HCLS1: variants seen among roughly 807,000 people sequenced by gnomAD.
The protein encoded by HCLS1 is hematopoietic lineage cell-specific protein.
In HCLS1, 44 loss-of-function variants were observed where a neutral mutation model predicts 68.6. That is an observed-to-expected ratio of 0.64 (90% confidence interval 0.50 to 0.82). HCLS1 has a LOEUF of 0.82. Among genes scored for constraint, HCLS1 ranks in the 40% least tolerant of loss-of-function variants. The probability of loss-of-function intolerance (pLI) is 0.00; values close to 1 mark genes in which losing one functional copy is unlikely to be tolerated. For synonymous variants in HCLS1, 217 were observed against 225.8 expected (o/e 0.96, Z 0.35); for missense variants, 602 against 612.1 (o/e 0.98, Z 0.17).
chr3:121,659,370 ACTTGCTAGCTGGCAATC>A (rs904600221), intron 1 of HCLS1, among the ~76,000 whole-genome samples: 1 of 152,144 alleles, frequency 6.6e-6, no homozygotes, highest in African/African-American at 2.4e-5. Context: ...CCCTGGCAGC[ACTTGCTAGCTGGCAATC>A]CTTCCCTCCT....
At position 121,631,869 on chromosome 3, in the gene HCLS1, T is replaced by A; in HGVS notation, c.1438A>T (p.Asn480Tyr). 6.2e-7 allele frequency: 1 copy of A among 1,614,076 alleles called. No individual in the cohort carries two copies. The highest frequency in any genetic ancestry group is 1.6e-4 in the Middle Eastern group (1 of 6,062). The change falls in exon 14 of 14, where the codon AAT becomes TAT. Residue 480 changes from asparagine to tyrosine, a missense_variant. Transcript: ENST00000314583. ...AGTCACTCCAGAAGCTTGACATAAT[T>A]TGCAGGGAAGAGTCCAAAGTGGCCA... The part of the protein sequence containing the change: ...CHGHFGLFPA[N>Y]YVKLLE
chr3:121,653,760 G>A (rs1359141638), intron 3 of HCLS1: 12 of 152,124 alleles, frequency 7.9e-5, no homozygotes, highest in Admixed American at 7.9e-4. Context: ...AAGAGGACAG[G>A]GCCACTGAGG....
In HCLS1 at chr3:121,633,152, G is replaced by T; in HGVS notation, c.923C>A (p.Thr308Asn). 1 of 1,610,046 alleles carries T rather than the reference G, an allele frequency of 6.2e-7. No individual in the cohort carries two copies. The highest frequency in any genetic ancestry group is 8.5e-7 in the Non-Finnish European group (1 of 1,177,870). Reference protein sequence around the residue: ...ISSEAWPPVGTPPSSESEPVR... With the variant: ...ISSEAWPPVGNPPSSESEPVR... ...AGGCTCAGACTCTGATGATGGAGGA[G>T]TCCCAACTGGAGGCCAGGCCTGTGG... is the stretch of plus-strand genomic sequence containing the variant. Residue 308 changes from threonine to asparagine, a missense_variant, in exon 11 of 14, where the codon ACT (threonine) becomes AAT (asparagine). By Grantham distance (65) the Thr-to-Asn change is moderately conservative. Transcript: ENST00000314583.
chr3:121,642,285 C>A (rs1452138427), intron 6 of HCLS1, among the ~76,000 whole-genome samples: 1 of 142,598 alleles, frequency 7.0e-6, no homozygotes, highest in Non-Finnish European at 1.5e-5. Flanking sequence ...CAGTGAAACC[C>A]CGTCTCTACT....
Position 121,634,284 on chromosome 3 carries a change from G to T in HCLS1, c.826C>A (p.Pro276Thr). The T allele has an allele frequency of 1.2e-6, 2 of 1,614,162 alleles. No individual in the cohort carries two copies. Among genetic ancestry groups the T allele is most frequent in the Non-Finnish European group, 1.7e-6 (2 of 1,180,040 alleles). The change falls in exon 10 of 14, where the codon CCT becomes ACT. Residue 276 changes from proline to threonine, a missense_variant. Coordinates refer to ENST00000314583, the MANE Select transcript of HCLS1 (RefSeq NM_005335.6). ...GCTATCACTGGCTGTGGAGCCTCAG[G>T]GCTCCTCTTTGTCACAGCCTTTCGC... is the stretch of plus-strand genomic sequence containing the variant. ...QERKAVTKRS[P>T]EAPQPVIAME...
chr3:121,646,629 A>G (rs1384114909), intron 4 of HCLS1, among the ~76,000 whole-genome samples: 7 of 115,734 alleles, frequency 6.0e-5, no homozygotes, highest in Non-Finnish European at 1.1e-4. Context: ...ATTATATATT[A>G]TAAGTATATA....
At position 121,631,820 on chromosome 3, in the gene HCLS1, C is replaced by T; in HGVS notation, c.*26G>A. On this transcript the variant is annotated 3_prime_UTR_variant, in exon 14 of 14. Transcript: ENST00000314583. ...GAGCCACTTTGGACATGGGAAATCA[C>T]AGTTGCAGTAGACAGTGAGCTCTAG... The T allele has an allele frequency of 6.2e-7, 1 of 1,613,364 alleles. No homozygotes were observed. Among genetic ancestry groups the T allele is most frequent in the Middle Eastern group, 1.7e-4 (1 of 6,050 alleles).
Position 121,642,953 on chromosome 3 carries a change from T to A in HCLS1, c.428A>T (p.Glu143Val), listed in dbSNP as rs2049215304. The change falls in exon 6 of 14, where the codon GAA (glutamate) becomes GTA (valine). Residue 143 changes from glutamate to valine, a missense_variant. By Grantham distance (121) the Glu-to-Val change is moderately radical (BLOSUM62 -2). Coordinates refer to ENST00000314583, the MANE Select transcript of HCLS1 (RefSeq NM_005335.6). ...TTTCTGAGATGTGTGCTTCTCCACT[T>A]CTCCTTTATAATCAAAGCCGACTGC... ...KSAVGFDYKG[E>V]VEKHTSQKDY... is the part of the protein sequence containing the mutation. The A allele has an allele frequency of 6.2e-7, 1 of 1,613,224 alleles. No individual in the cohort carries two copies. Among genetic ancestry groups the A allele is most frequent in the Non-Finnish European group, 8.5e-7 (1 of 1,179,406 alleles).
chr3:121,651,135 A>G (rs182443712), intron 3 of HCLS1, among the ~76,000 whole-genome samples: 8 of 152,302 alleles, frequency 5.3e-5, no homozygotes, highest in African/African-American at 1.9e-4. Flanking sequence ...CAATCAATAA[A>G]TAATCAATCA....
At position 121,635,779 on chromosome 3, in the gene HCLS1, T is replaced by G; in HGVS notation, c.647A>C (p.Glu216Ala). The G allele has an allele frequency of 6.2e-7, 1 of 1,614,104 alleles. No homozygotes were observed. The highest frequency in any genetic ancestry group is 2.2e-5 in the East Asian group (1 of 44,886). ...CTTCTTATAAGCTGTGGTCGGGGCCTCCATTTCATTGAAGCCGACAGCGCT... is the reference window on the plus strand; with the variant it reads ...CTTCTTATAAGCTGTGGTCGGGGCCGCCATTTCATTGAAGCCGACAGCGCT... ...DKSAVGFNEM[E>A]APTTAYKKTT... The change falls in exon 9 of 14, where the codon GAG (glutamate) becomes GCG (alanine). Residue 216 changes from glutamate (E) to alanine (A), a missense_variant. Transcript: ENST00000314583.
chr3:121,658,450 C>A, intron 1 of HCLS1, 103 bp from the exon 2 acceptor site: 2 of 856,070 alleles, frequency 2.3e-6, no homozygotes, highest in Admixed American at 2.5e-5. Flanking sequence ...TATTTCCTGC[C>A]ATTTTTTTTT....
At chr3:121,641,978 G>A (rs2049204408) in intron 6 of HCLS1, among the ~76,000 whole-genome samples, 1 of 149,950 alleles carries the variant, frequency 6.7e-6, no homozygotes, top group African/African-American at 2.5e-5. Context: ...TACTCGGGAG[G>A]CTGAGGCAGG....
At chr3:121,643,325 A>T in intron 5 of HCLS1, 1 of 207,090 alleles carries the variant, frequency 4.8e-6, no homozygotes, top group South Asian at 9.7e-5. Flanking sequence ...GAGAGAAATG[A>T]TCCCTCTTCA....
chr3:121,632,487 G>A lies in HCLS1; in HGVS notation c.1085C>T (p.Ala362Val), dbSNP rs756752441. The A allele has an allele frequency of 6.2e-7, 1 of 1,614,114 alleles. No homozygotes were observed. The highest frequency in any genetic ancestry group is 8.5e-7 in the Non-Finnish European group (1 of 1,180,024). ...AGGCTCGGGCTCAGGCTCAGGCTCT[G>A]CTTCGTACACTGGCTCTTCCTCCAC... ...LQVEEEPVYE[A>V]EPEPEPEPEP... The change falls in exon 12 of 14, where the codon GCA becomes GTA. Residue 362 changes from alanine to valine, a missense_variant. By Grantham distance (64) the Ala-to-Val change is moderately conservative (BLOSUM62 0). Transcript: ENST00000314583.
intron 7 of HCLS1, 117 bp downstream of exon 7, chr3:121,637,029 C>G: frequency 1.4e-6 from 1 of 711,448 alleles, no homozygotes; most frequent in South Asian, 1.6e-5. Context: ...TGCCCTGGCA[C>G]CCCCTGCTCT....
At chr3:121,635,877 G>C in intron 8 of HCLS1, 73 bp from the exon 9 acceptor site, 1 of 1,169,172 alleles carries the variant, frequency 8.6e-7, no homozygotes, top group Non-Finnish European at 1.3e-6. Context: ...GTAGTATTGG[G>C]GGTTGGGGGC....
chr3:121,654,369 A>G (rs1937816924), intron 3 of HCLS1: 1 of 152,240 alleles, frequency 6.6e-6, no homozygotes, highest in South Asian at 2.1e-4. Flanking sequence ...ATTTTTAACC[A>G]TTTATTTTTC....
chr3:121,634,487 AGG>A, intron 9 of HCLS1, 69 bp from the exon 10 acceptor site: 2 of 1,399,842 alleles, frequency 1.4e-6, no homozygotes. Context: ...TGGCACTTGA[AGG>A]AAGAAGGGGA....
At chr3:121,648,642 T>C (rs1449545990) in intron 3 of HCLS1, among the ~76,000 whole-genome samples, 2 of 152,222 alleles carry the variant, frequency 1.3e-5, no homozygotes, top group Non-Finnish European at 2.9e-5. Flanking sequence ...AATGGCTGTC[T>C]CACAGCAGAA....
Sources: gnomAD v4.1 joint callset for allele counts (sites outside exome capture counted in the v4.1 genomes callset) on GRCh38, gnomAD v4.1.1 for gene constraint, MANE v1.5 for transcripts, NCBI Gene and HGNC (gene_info 2026-07-23, HGNC 2026-07-21) for gene names.